DMD: variants seen among roughly 807,000 people sequenced by gnomAD.
DMD encodes mutant dystrophin.
Under a neutral mutation model 330.1 loss-of-function variants are expected in DMD, and 63 were observed. The observed-to-expected ratio is 0.19, with a 90% CI of 0.16 to 0.24. DMD has a LOEUF of 0.24. Ranked by LOEUF, DMD falls within the 10% of genes least tolerant of loss-of-function variation. The pLI, the probability that DMD is intolerant of heterozygous loss-of-function variation, is 1.00. For synonymous variants in DMD, 1,223 were observed against 959.8 expected (o/e 1.27, Z -5.07); for missense variants, 3,344 against 2,684.1 (o/e 1.25, Z -5.43).
chrX:32,014,429 C>T (rs776112431), intron 44 of DMD, among the ~76,000 whole-genome samples: 2 of 111,309 alleles, frequency 1.8e-5, no homozygotes, highest in African/African-American at 3.3e-5. Flanking sequence ...AAATTGACCC[C>T]TTGGGCCTCG....
intron 41 of DMD, among the ~76,000 whole-genome samples, chrX:32,339,288 T>C (rs780071874): frequency 8.9e-6 from 1 of 112,103 alleles, no homozygotes; most frequent in South Asian, 3.7e-4. Flanking sequence ...GTACATCCTA[T>C]AGAACTATCC....
intron 59 of DMD, among the ~76,000 whole-genome samples, chrX:31,459,413 T>C (rs1462543343): frequency 2.7e-5 from 3 of 112,376 alleles, no homozygotes; most frequent in African/African-American, 9.7e-5. Context: ...TTCACTTTTG[T>C]TTCTACTTAA....
chrX:32,200,593 C>T (rs2097030788), intron 44 of DMD, among the ~76,000 whole-genome samples: 1 of 110,110 alleles, frequency 9.1e-6, no homozygotes, highest in South Asian at 3.8e-4. Context: ...TGAAAACACA[C>T]ATATGTAATC....
At chrX:33,076,494 A>G (rs2148202187) in intron 1 of DMD, among the ~76,000 whole-genome samples, 1 of 111,634 alleles carries the variant, frequency 9.0e-6, no homozygotes, top group South Asian at 3.8e-4. Context: ...CTTTAGGGTG[A>G]TCGAGTGTCT....
At chrX:32,019,645 T>C (rs1187188977) in intron 44 of DMD, among the ~76,000 whole-genome samples, 1 of 112,214 alleles carries the variant, frequency 8.9e-6, no homozygotes, top group Non-Finnish European at 1.9e-5. Flanking sequence ...AATTATCTTA[T>C]TTGTTCTAAA....
At chrX:33,339,097 A>C (rs2054297462) in intron 1 of DMD, among the ~76,000 whole-genome samples, 1 of 111,483 alleles carries the variant, frequency 9.0e-6, no homozygotes, top group Admixed American at 9.6e-5. Context: ...ACGCAGCACA[A>C]GGCAATTTTA....
chrX:32,423,273 T>A (rs2098197992), intron 29 of DMD, among the ~76,000 whole-genome samples: 1 of 106,188 alleles, frequency 9.4e-6, no homozygotes, highest in Admixed American at 1.0e-4. Flanking sequence ...CTATTCCAAC[T>A]TCAGAAGAAA....
At chrX:31,816,808 A>ACACACACACACACACC (rs2092641490) in intron 50 of DMD, among the ~76,000 whole-genome samples, 1 of 108,344 alleles carries the variant, frequency 9.2e-6, no homozygotes, top group Non-Finnish European at 1.9e-5. Context: ...ACACACACAC[A>ACACACACACACACACC]CACACACACA....
At position 33,338,607 on chromosome X, in the gene DMD, A is replaced by G. The variant is rs1441772422; in HGVS notation, c.7+652T>C. ...ATTAAGAGCAGTAATCAAGCGAGAA[A>G]TCATAGACCAGCTGGGTCGACATCA... is the stretch of plus-strand genomic sequence containing the variant. On this transcript the variant is annotated intron_variant, in intron 1 of 17. Coordinates refer to the DMD transcript ENST00000288447. Among the ~76,000 whole-genome samples, 4 of 111,526 alleles carry G rather than the reference A, an allele frequency of 3.6e-5. No homozygotes were observed. The Admixed American group carries it at 3.8e-4, about 11-fold the overall frequency.
intron 60 of DMD, among the ~76,000 whole-genome samples, chrX:31,357,246 T>G (rs1411314362): frequency 9.0e-6 from 1 of 110,976 alleles, no homozygotes; most frequent in Non-Finnish European, 1.9e-5. Flanking sequence ...TTTTGGCCCA[T>G]AAGTAGCATA....
intron 1 of DMD, among the ~76,000 whole-genome samples, chrX:33,290,380 G>T (rs973246071): frequency 9.0e-6 from 1 of 111,311 alleles, no homozygotes; most frequent in Non-Finnish European, 1.9e-5. Flanking sequence ...AAAAGATAAA[G>T]ATGATGATGT....
intron 43 of DMD, among the ~76,000 whole-genome samples, chrX:32,282,511 T>G (rs1230472035): frequency 8.9e-6 from 1 of 112,144 alleles, no homozygotes; most frequent in Non-Finnish European, 1.9e-5. Context: ...TGACTGTTAG[T>G]GAACAATCAG....
chrX:31,658,244 A>G, intron 53 of DMD, 100 bp from the exon 54 acceptor site: 1 of 904,909 alleles, frequency 1.1e-6, no homozygotes, highest in Non-Finnish European at 1.6e-6. Context: ...CTGAATCCTC[A>G]GGTCAGAATA....
chrX:32,000,856 T>C (rs994572748), intron 44 of DMD, among the ~76,000 whole-genome samples: 2 of 111,756 alleles, frequency 1.8e-5, no homozygotes, highest in East Asian at 2.8e-4. Flanking sequence ...ATTTCTAACA[T>C]TGAAGAATGT....
At chrX:32,457,783 G>T (rs2098366846) in intron 25 of DMD, among the ~76,000 whole-genome samples, 1 of 110,060 alleles carries the variant, frequency 9.1e-6, no homozygotes. Context: ...CACCCAAAGA[G>T]TATACTGACC....
chrX:32,501,748 T>A lies in DMD; in HGVS notation c.2380+7A>T, dbSNP rs1004796638. On this transcript the variant is annotated splice_region_variant and intron_variant, in intron 19 of 78. Transcript: ENST00000357033. ...AGAAGATTATCTAAATCAACTCGTG[T>A]AATTACCATTCACCATCTGTTCCAC... The A allele has an allele frequency of 2.5e-6, 3 of 1,189,916 alleles. No individual in the cohort carries two copies. Among genetic ancestry groups the A allele is most frequent in the Non-Finnish European group, 2.3e-6 (2 of 876,390 alleles).
chrX:31,251,467 G>A (rs1415084357), intron 63 of DMD, among the ~76,000 whole-genome samples: 1 of 112,094 alleles, frequency 8.9e-6, no homozygotes, highest in Non-Finnish European at 1.9e-5. Context: ...CTTTCCTGGA[G>A]TTATGCAAGC....
intron 62 of DMD, among the ~76,000 whole-genome samples, chrX:31,290,481 T>C (rs1460160351): frequency 8.9e-6 from 1 of 111,875 alleles, no homozygotes; most frequent in African/African-American, 3.2e-5. Flanking sequence ...TGTTTAAGGT[T>C]GTATTTTCAG....
At chrX:31,814,378 G>T (rs2092554161) in intron 50 of DMD, among the ~76,000 whole-genome samples, 1 of 104,894 alleles carries the variant, frequency 9.5e-6, no homozygotes. Flanking sequence ...AGCTACGGGG[G>T]AGGCTGAGGC....
Sources: allele counts gnomAD v4.1 joint callset (sites outside exome capture counted in the v4.1 genomes callset), GRCh38; gene constraint gnomAD v4.1.1; transcripts MANE v1.5; gene names NCBI Gene and HGNC (gene_info 2026-07-23, HGNC 2026-07-21).